The following GPR107 variants were observed in gnomAD, a reference collection of about 807,000 sequenced individuals.
The protein encoded by GPR107 is protein GPR107.
In GPR107, 31 loss-of-function variants were observed where a neutral mutation model predicts 75.5. The ratio of observed to expected loss-of-function variants is 0.41; its 90% CI spans 0.31 to 0.55. The LOEUF (loss-of-function observed/expected upper bound fraction) is 0.55. GPR107 is among the 20% of genes least tolerant of loss of function. GPR107 has a pLI of 0.26. For synonymous variants in GPR107, 267 were observed against 251.3 expected (o/e 1.06, Z -0.59); for missense variants, 572 against 665.7 (o/e 0.86, Z 1.55).
At chr9:130,084,441 A>C (rs527937614) in intron 6 of GPR107, among the ~76,000 whole-genome samples, 4 of 146,804 alleles carry the variant, frequency 2.7e-5, no homozygotes, top group Non-Finnish European at 5.9e-5. Flanking sequence ...ATTGTCTCCT[A>C]TTTTGGGGGA....
chr9:130,091,622 G>A (rs1179630023), intron 8 of GPR107, among the ~76,000 whole-genome samples: 3 of 149,978 alleles, frequency 2.0e-5, no homozygotes, highest in South Asian at 2.1e-4. Context: ...TCCATCTCCT[G>A]GGTTCAAGTG....
At chr9:130,100,937 C>T in intron 11 of GPR107, among the ~76,000 whole-genome samples, 169 bp from the exon 12 acceptor site, 1 of 152,232 alleles carries the variant, frequency 6.6e-6, no homozygotes, top group Non-Finnish European at 1.5e-5. Flanking sequence ...GGGTGCAGAG[C>T]TAACTGTGTG....
intron 6 of GPR107, 37 bp downstream of exon 6, chr9:130,083,639 G>A: frequency 1.5e-6 from 2 of 1,353,168 alleles, no homozygotes; most frequent in Non-Finnish European, 2.0e-6. Flanking sequence ...CAGCTTTTCT[G>A]GATATGTGTG....
intron 1 of GPR107, among the ~76,000 whole-genome samples, chr9:130,074,059 G>C (rs1357923057): frequency 6.6e-6 from 1 of 152,144 alleles, no homozygotes; most frequent in Non-Finnish European, 1.5e-5. Flanking sequence ...GCCCGGCCGA[G>C]TCCTGGGTTT....
chr9:130,121,197 CAAAA>C (rs1179081629), intron 14 of GPR107, among the ~76,000 whole-genome samples: 2 of 151,088 alleles, frequency 1.3e-5, no homozygotes, highest in East Asian at 3.9e-4. Flanking sequence ...CAAAACAAAA[CAAAA>C]CAAAACAAAA....
At chr9:130,073,957 A>C (rs943904951) in intron 1 of GPR107, among the ~76,000 whole-genome samples, 2 of 151,990 alleles carry the variant, frequency 1.3e-5, no homozygotes, top group Non-Finnish European at 2.9e-5. Context: ...AGGGTTTCCC[A>C]TTTTGGCCAG....
intron 9 of GPR107, among the ~76,000 whole-genome samples, chr9:130,096,999 G>T (rs1007994824): frequency 1.3e-5 from 2 of 152,018 alleles, no homozygotes; most frequent in African/African-American, 4.8e-5. Flanking sequence ...ATAGACACAC[G>T]CCTGGACTGC....
chr9:130,124,990 A>C, intron 15 of GPR107, 26 bp downstream of exon 15: 1 of 1,163,892 alleles, frequency 8.6e-7, no homozygotes, highest in Non-Finnish European at 1.2e-6. Context: ...AAAAATCCTC[A>C]ATCTATAAAT....
At chr9:130,131,647 G>C (rs1293156135) in intron 17 of GPR107, among the ~76,000 whole-genome samples, 5 of 151,398 alleles carry the variant, frequency 3.3e-5, no homozygotes, top group African/African-American at 1.2e-4. Flanking sequence ...CAGTCTTCCT[G>C]CATCACACCA....
chr9:130,076,959 C>T (rs1245357448), intron 3 of GPR107, among the ~76,000 whole-genome samples: 2 of 150,846 alleles, frequency 1.3e-5, no homozygotes, highest in African/African-American at 2.4e-5. Flanking sequence ...GTGATCTTGG[C>T]TCACTGCAAC....
At chr9:130,078,837 G>A (rs897230260) in intron 4 of GPR107, among the ~76,000 whole-genome samples, 2 of 152,334 alleles carry the variant, frequency 1.3e-5, no homozygotes, top group Middle Eastern at 3.4e-3. Context: ...AACTGTCACT[G>A]GCCCCTCCTG....
At chr9:130,093,828 A>G (rs767701687) in intron 9 of GPR107, among the ~76,000 whole-genome samples, 11 of 150,804 alleles carry the variant, frequency 7.3e-5, no homozygotes, top group Non-Finnish European at 1.5e-4. Flanking sequence ...TTTTTTTTTC[A>G]AGATGGATTC....
intron 10 of GPR107, among the ~76,000 whole-genome samples, chr9:130,100,191 G>A (rs1037869286): frequency 1.3e-5 from 2 of 151,822 alleles, no homozygotes; most frequent in Non-Finnish European, 2.9e-5. Context: ...CACCACGCCC[G>A]GCCTCCACGA....
intron 14 of GPR107, among the ~76,000 whole-genome samples, chr9:130,122,880 G>A (rs939538358): frequency 6.6e-6 from 1 of 152,098 alleles, no homozygotes; most frequent in African/African-American, 2.4e-5. Flanking sequence ...ACACACCTGT[G>A]GTCCCAGCTA....
At position 130,090,868 on chromosome 9, in the gene GPR107, A is replaced by C; in HGVS notation, c.622-8A>C. 2 of 1,030,080 alleles carry C rather than the reference A, an allele frequency of 1.9e-6. No homozygotes were observed. The highest frequency in any genetic ancestry group is 3.0e-6 in the Non-Finnish European group (2 of 669,796). 63.8% of individuals were successfully genotyped at this position (1,030,080 alleles called of 1,614,324 possible). A position where few individuals can be genotyped will look rare whatever the true frequency, so the allele number is the denominator to read the frequency against. ...GGTACCTTTAAATGTTTTCTTCTTC[A>C]CTTTCAGTTTTTCTTTAACATCAGC... On this transcript the variant is annotated splice_polypyrimidine_tract_variant and splice_region_variant and intron_variant, in intron 7 of 17. Coordinates refer to ENST00000347136, the MANE Select transcript of GPR107 (RefSeq NM_020960.5).
At chr9:130,063,071 A>G (rs1829971261) in intron 1 of GPR107, among the ~76,000 whole-genome samples, 1 of 152,236 alleles carries the variant, frequency 6.6e-6, no homozygotes, top group Admixed American at 6.5e-5. Flanking sequence ...AATGACTCCT[A>G]ACCTCAGTGT....
In GPR107 at chr9:130,075,720, C is replaced by A. The variant is rs141390611; in HGVS notation, c.226C>A (p.Leu76Met). Reference sequence around the variant, plus strand: ...GGTGGTGAATGTCAGTAGCCTCTCACTGAATGAGCCTGAAGACAAGGATGT... The same window carrying A: ...GGTGGTGAATGTCAGTAGCCTCTCAATGAATGAGCCTGAAGACAAGGATGT... ...YMVVNVSSLS[L>M]NEPEDKDVTI... Residue 76 changes from leucine to methionine, a missense_variant, in exon 2 of 18, where the codon CTG (leucine) becomes ATG (methionine). Transcript: ENST00000347136. 1.4e-5 allele frequency: 22 copies of A among 1,580,814 alleles called. No homozygotes were observed. The highest frequency in any genetic ancestry group is 1.9e-5 in the Non-Finnish European group (22 of 1,150,202).
intron 13 of GPR107, 80 bp from the exon 14 acceptor site, chr9:130,107,415 GC>G (rs1831186420): frequency 2.4e-6 from 2 of 833,638 alleles, no homozygotes; most frequent in Non-Finnish European, 4.3e-6. Context: ...GAGAAATTCA[GC>G]CTCAAGTTAC....
At chr9:130,077,513 G>C in intron 4 of GPR107, 135 bp downstream of exon 4, 1 of 627,940 alleles carries the variant, frequency 1.6e-6, no homozygotes, top group Non-Finnish European at 2.9e-6. Context: ...GACAAGGCTA[G>C]GGAGACAGAG....
Sources: allele counts gnomAD v4.1 joint callset (sites outside exome capture counted in the v4.1 genomes callset), GRCh38; gene constraint gnomAD v4.1.1; transcripts MANE v1.5; gene names NCBI Gene and HGNC (gene_info 2026-07-23, HGNC 2026-07-21).